The following SAPCD1 variants were observed in gnomAD, a reference collection of about 807,000 sequenced individuals.
SAPCD1 encodes suppressor APC domain-containing protein 1.
In SAPCD1, 16 loss-of-function variants were observed where a neutral mutation model predicts 20.7. The ratio of observed to expected loss-of-function variants is 0.77; its 90% CI spans 0.52 to 1.17. The LOEUF (loss-of-function observed/expected upper bound fraction) is 1.17, where lower values mean the gene tolerates loss of function less well. SAPCD1 is among the 50% of genes most tolerant of loss of function. SAPCD1 has a pLI of 0.00. For synonymous variants in SAPCD1, 77 were observed against 84.8 expected (o/e 0.91, Z 0.50); for missense variants, 173 against 209.9 (o/e 0.82, Z 1.09).
chr6:31,762,671 A>C (rs562748962), upstream of SAPCD1: 3 of 599,370 alleles, frequency 5.0e-6, no homozygotes, highest in East Asian at 8.4e-5. Context: ...GTTTATTTTG[A>C]AGAAAGATAT....
In SAPCD1 at chr6:31,763,721, G is replaced by A; in HGVS notation, c.255+166G>A. ...ACAGGATGCCACCAAGTGTTAAGTT[G>A]GTGTTCATTGTTGGGGCTGGAGGAA... On this transcript the variant is annotated intron_variant, in intron 2 of 4. Transcript: ENST00000415669. This position sits in a 1 kb window ranked among gnomAD's most constrained non-coding sequence, Gnocchi z 4.9. 1.5e-6 allele frequency: 1 copy of A among 680,386 alleles called. No homozygotes were observed. Among genetic ancestry groups the A allele is most frequent in the South Asian group, 1.9e-5 (1 of 52,938 alleles). 42.1% of individuals were successfully genotyped at this position (680,386 alleles called of 1,614,324 possible).
Position 31,764,171 on chromosome 6 carries a change from G to A in SAPCD1, c.351+12G>A, listed in dbSNP as rs762819887. ...TGATTCATGAGAAGGTGAGTTTATT[G>A]TTTTCAGTTTAGACTTTTGGGAAGT... On this transcript the variant is annotated intron_variant, in intron 3 of 4. Transcript: ENST00000415669. The surrounding 1 kb of genome is among the most constrained non-coding windows in gnomAD (Gnocchi z 4.7). 2 of 1,611,086 alleles carry A rather than the reference G, an allele frequency of 1.2e-6. No individual in the cohort carries two copies. Among genetic ancestry groups the A allele is most frequent in the Admixed American group, 1.7e-5 (1 of 59,992 alleles).
At chr6:31,762,920 C>A, upstream of SAPCD1, 1 of 585,358 alleles carries the variant, frequency 1.7e-6, no homozygotes, top group Admixed American at 3.4e-5. Context: ...AGGAACACCC[C>A]AGCCTCAGAC....
rs1199604727 is a variant in SAPCD1, at chr6:31,764,103, C to T, written c.295C>T (p.Pro99Ser). 2 of 1,613,860 alleles carry T rather than the reference C, an allele frequency of 1.2e-6. No homozygotes were observed. The highest frequency in any genetic ancestry group is 2.2e-5 in the East Asian group (1 of 44,894). The change falls in exon 3 of 5, where the codon CCG (proline) becomes TCG (serine). Residue 99 changes from proline to serine, a missense_variant. Pro to Ser is a moderately conservative substitution (Grantham distance 74, BLOSUM62 -1). Coordinates refer to ENST00000415669, the Ensembl canonical transcript of SAPCD1. This position sits in a 1 kb window ranked among gnomAD's most constrained non-coding sequence, Gnocchi z 4.7. The stretch of plus-strand genomic sequence containing the variant: ...TTTACACTCAGAGCCTGGTCGCCCC[C>T]CGTTAGCCCAGATTCAAAAGGTGAA...
upstream of SAPCD1, chr6:31,762,836 C>G: frequency 1.8e-6 from 1 of 549,576 alleles, no homozygotes; most frequent in East Asian, 3.0e-5. Context: ...GAACGAACCC[C>G]TTCAGAGAGG....
At chr6:31,762,754 C>A, upstream of SAPCD1, 3 of 554,926 alleles carry the variant, frequency 5.4e-6, no homozygotes, top group South Asian at 7.7e-5. Flanking sequence ...GGGGAACCTG[C>A]CCTGCCTCAG....
In SAPCD1 at chr6:31,763,520, C is replaced by T. The variant is rs1411806845; in HGVS notation, c.220C>T (p.Gln74Ter). The T allele has an allele frequency of 6.2e-7, 1 of 1,612,674 alleles. No individual in the cohort carries two copies. Among genetic ancestry groups the T allele is most frequent in the Non-Finnish European group, 8.5e-7 (1 of 1,179,864 alleles). ...GTTTGAAGACCATCTGAGGGAGGCA[C>T]AGCGACAGCAGCTGCATCTAGGGGC... Residue 74 changes from glutamine to a stop codon, truncating the protein, a stop_gained, in exon 2 of 5, where the codon CAG becomes TAG. Coordinates refer to ENST00000415669, the Ensembl canonical transcript of SAPCD1. LOFTEE classifies it high-confidence loss of function. The surrounding 1 kb of genome is among the most constrained non-coding windows in gnomAD (Gnocchi z 4.9).
rs1040800633 is a variant in SAPCD1 at position 31,763,018 on chromosome 6, C to T, written c.-37C>T. ...AGGGGAGGGACCAGCCCGGGCTGCACCAGTGGGAGTGGCTCCACCCTTCCC... is the reference window on the plus strand; with the variant it reads ...AGGGGAGGGACCAGCCCGGGCTGCATCAGTGGGAGTGGCTCCACCCTTCCC... On this transcript the variant is annotated 5_prime_UTR_variant, in exon 1 of 5. Coordinates refer to ENST00000415669, the Ensembl canonical transcript of SAPCD1. The surrounding 1 kb of genome is among the most constrained non-coding windows in gnomAD (Gnocchi z 4.9). The T allele has an allele frequency of 2.7e-5, 34 of 1,265,178 alleles. No homozygotes were observed. Among genetic ancestry groups the T allele is most frequent in the Non-Finnish European group, 3.7e-5 (33 of 892,024 alleles). 78.4% of individuals were successfully genotyped at this position (1,265,178 alleles called of 1,614,324 possible). A position where few individuals can be genotyped will look rare whatever the true frequency, so the allele number is the denominator to read the frequency against.
chr6:31,762,985 A>C, upstream of SAPCD1: 1 of 791,096 alleles, frequency 1.3e-6, no homozygotes, highest in Non-Finnish European at 2.0e-6. Context: ...GGTGCAAGGC[A>C]GGGGTGGAGG....
upstream of SAPCD1, chr6:31,762,917 C>T (rs374541295): frequency 1.0e-5 from 6 of 584,764 alleles, no homozygotes; most frequent in East Asian, 8.9e-5. Context: ...AGTAGGAACA[C>T]CCCAGCCTCA....
chr6:31,763,032 TC>T lies in SAPCD1; in HGVS notation c.-21del. The T allele has an allele frequency of 6.9e-7, 1 of 1,440,600 alleles. No homozygotes were observed. Among genetic ancestry groups the T allele is most frequent in the Non-Finnish European group, 9.6e-7 (1 of 1,041,368 alleles). 89.2% of individuals were successfully genotyped at this position (1,440,600 alleles called of 1,614,324 possible). A position where few individuals can be genotyped will look rare whatever the true frequency, so the allele number is the denominator to read the frequency against. ...CCCGGGCTGCACCAGTGGGAGTGGCTCCACCCTTCCCACCTCAGAGCCATGG... is the reference window on the plus strand; with the variant it reads ...CCCGGGCTGCACCAGTGGGAGTGGCTCACCCTTCCCACCTCAGAGCCATGG... On this transcript the variant is annotated 5_prime_UTR_variant, in exon 1 of 5. Transcript: ENST00000415669. The surrounding 1 kb of genome is among the most constrained non-coding windows in gnomAD (Gnocchi z 4.9).
At chr6:31,762,809 C>A, upstream of SAPCD1, 1 of 544,364 alleles carries the variant, frequency 1.8e-6, no homozygotes, top group Non-Finnish European at 3.2e-6. Flanking sequence ...CGGATTCTAC[C>A]CCAGGATACT....
rs1293789483 is a variant in SAPCD1, at chr6:31,764,240, G to C, written c.352-26G>C. ...TGTTGGGGTCAGTGCTGGCTTAACA[G>C]AAAACACAGCGAATTTCCCCTCCAG... On this transcript the variant is annotated intron_variant, in intron 3 of 4. Transcript: ENST00000415669. The surrounding 1 kb of genome is among the most constrained non-coding windows in gnomAD (Gnocchi z 4.7). The C allele has an allele frequency of 1.9e-6, 3 of 1,611,522 alleles. No homozygotes were observed. Among genetic ancestry groups the C allele is most frequent in the Non-Finnish European group, 2.5e-6 (3 of 1,177,590 alleles).
In SAPCD1 at chr6:31,763,133, C is replaced by T. The variant is rs755085734; in HGVS notation, c.79C>T (p.Arg27Cys). ...CCTGCTGCTGCCGCTGGGGACAAGCCGCCAAGACCCAGGGGCCCAGAGCTT... is the reference window on the plus strand; with the variant it reads ...CCTGCTGCTGCCGCTGGGGACAAGCTGCCAAGACCCAGGGGCCCAGAGCTT... The change falls in exon 1 of 5, where the codon CGC becomes TGC. Residue 27 changes from arginine (R) to cysteine (C), a missense_variant. Coordinates refer to ENST00000415669, the Ensembl canonical transcript of SAPCD1. This position sits in a 1 kb window ranked among gnomAD's most constrained non-coding sequence, Gnocchi z 4.9. 2.2e-5 allele frequency: 34 copies of T among 1,566,724 alleles called. No homozygotes were observed. The highest frequency in any genetic ancestry group is 1.9e-4 in the South Asian group (16 of 83,736).
rs914782413 is a variant in SAPCD1 at position 31,763,321 on chromosome 6, C to T, written c.115-94C>T. ...CCAGTCTGGGTTCACACTCAGTGAC[C>T]ACACAGTGAACCCAACTAGGGGTGG... is the stretch of plus-strand genomic sequence containing the variant. On this transcript the variant is annotated intron_variant, in intron 1 of 4. Coordinates refer to ENST00000415669, the Ensembl canonical transcript of SAPCD1. This position sits in a 1 kb window ranked among gnomAD's most constrained non-coding sequence, Gnocchi z 4.9. 3 of 1,538,662 alleles carry T rather than the reference C, an allele frequency of 1.9e-6. No homozygotes were observed. Among genetic ancestry groups the T allele is most frequent in the Non-Finnish European group, 2.7e-6 (3 of 1,119,338 alleles).
rs779312492 is a variant in SAPCD1, at chr6:31,764,070, C to A, written c.262C>A (p.Leu88Ile). ...CCTCCAACTCCTCCTCTAGAATTTT[C>A]TAACAGATTTACACTCAGAGCCTGG... Residue 88 changes from leucine to isoleucine, a missense_variant, in exon 3 of 5, where the codon CTA becomes ATA. Transcript: ENST00000415669. This position sits in a 1 kb window ranked among gnomAD's most constrained non-coding sequence, Gnocchi z 4.7. 1 of 1,612,060 alleles carries A rather than the reference C, an allele frequency of 6.2e-7. No individual in the cohort carries two copies. The highest frequency in any genetic ancestry group is 8.5e-7 in the Non-Finnish European group (1 of 1,178,248).
In SAPCD1 at chr6:31,764,651, T is replaced by C. The variant is rs2151386003; in HGVS notation, c.*120T>C. On this transcript the variant is annotated 3_prime_UTR_variant, in exon 5 of 5. Coordinates refer to ENST00000415669, the Ensembl canonical transcript of SAPCD1. This position sits in a 1 kb window ranked among gnomAD's most constrained non-coding sequence, Gnocchi z 4.7. ...GTAGTGAGTCAATGAAGTTCAGACA[T>C]GTTGGTGTAAAGTTTCTCCTCTGCT... is the stretch of plus-strand genomic sequence containing the variant. The C allele has an allele frequency of 1.5e-6, 1 of 674,934 alleles. No individual in the cohort carries two copies. The highest frequency in any genetic ancestry group is 2.7e-5 in the East Asian group (1 of 36,622). 41.8% of individuals were successfully genotyped at this position (674,934 alleles called of 1,614,324 possible). A position where few individuals can be genotyped will look rare whatever the true frequency, so the allele number is the denominator to read the frequency against.
Position 31,764,348 on chromosome 6 carries a change from AGC to A in SAPCD1, c.435_436del (p.Gln146ThrfsTer66). 6.2e-7 allele frequency: 1 copy of A among 1,614,058 alleles called. No individual in the cohort carries two copies. Among genetic ancestry groups the A allele is most frequent in the Non-Finnish European group, 8.5e-7 (1 of 1,179,890 alleles). On this transcript the variant is annotated frameshift_variant, in exon 4 of 5. Transcript: ENST00000415669. LOFTEE classifies it low-confidence loss of function (END_TRUNC). The surrounding 1 kb of genome is among the most constrained non-coding windows in gnomAD (Gnocchi z 4.7). ...AGACGAAGGGAGCAGAACTTGTGGC[AGC>A]AACAGGTAAACTTCAAGAAGGAGGG...
At position 31,764,160 on chromosome 6, in the gene SAPCD1, G is replaced by A. The variant is rs775436996; in HGVS notation, c.351+1G>A. The A allele has an allele frequency of 1.2e-6, 2 of 1,612,558 alleles. No individual in the cohort carries two copies. Among genetic ancestry groups the A allele is most frequent in the East Asian group, 2.2e-5 (1 of 44,892 alleles). Reference sequence around the variant, plus strand: ...TTTGCAGAATCTGATTCATGAGAAGGTGAGTTTATTGTTTTCAGTTTAGAC... The same window carrying A: ...TTTGCAGAATCTGATTCATGAGAAGATGAGTTTATTGTTTTCAGTTTAGAC... On this transcript the variant is annotated splice_donor_variant, in intron 3 of 4. Coordinates refer to ENST00000415669, the Ensembl canonical transcript of SAPCD1. LOFTEE classifies it high-confidence loss of function. The surrounding 1 kb of genome is among the most constrained non-coding windows in gnomAD (Gnocchi z 4.7).
Sources: gnomAD v4.1 joint callset for allele counts on GRCh38, gnomAD v4.1.1 for gene constraint, Gnocchi (gnomAD v3.1) non-coding constraint, MANE v1.5 for transcripts, NCBI Gene and HGNC (gene_info 2026-07-23, HGNC 2026-07-21) for gene names.